Variants in SLC4A4 observed in about 807,000 individuals in gnomAD.
The protein encoded by SLC4A4 is solute carrier family 4 member 4.
In SLC4A4, 27 loss-of-function variants were observed where a neutral mutation model predicts 111.5. The ratio of observed to expected loss-of-function variants is 0.24; its 90% CI spans 0.18 to 0.33. The LOEUF is 0.33. Ranked by LOEUF, SLC4A4 falls within the 10% of genes least tolerant of loss-of-function variation. The probability of loss-of-function intolerance (pLI) is 1.00; values close to 1 mark genes in which losing one functional copy is unlikely to be tolerated. For synonymous variants in SLC4A4, 443 were observed against 463.4 expected, an observed-to-expected ratio of 0.96 and a Z score of 0.57; for missense variants, 909 against 1,315.5, an observed-to-expected ratio of 0.69 and a Z score of 4.78.
At chr4:71,359,479 A>G (rs1730569037) in intron 6 of SLC4A4, among the ~76,000 whole-genome samples, 1 of 152,202 alleles carries the variant, frequency 6.6e-6, no homozygotes. Flanking sequence ...GTATGCCTTC[A>G]AGGTACATTC....
At chr4:71,431,285 G>A (rs1723625056) in intron 7 of SLC4A4, among the ~76,000 whole-genome samples, 1 of 152,054 alleles carries the variant, frequency 6.6e-6, no homozygotes, top group Admixed American at 6.6e-5. Flanking sequence ...GTATCTGTGG[G>A]GAGAAGGGAG....
chr4:71,210,199 A>C (rs1193020675), intron 1 of SLC4A4, among the ~76,000 whole-genome samples: 1 of 152,174 alleles, frequency 6.6e-6, no homozygotes, highest in Non-Finnish European at 1.5e-5. Context: ...CTGGTATTGT[A>C]GGGATAGTCA....
At chr4:71,447,420 T>G (rs910911512) in intron 8 of SLC4A4, among the ~76,000 whole-genome samples, 2 of 152,230 alleles carry the variant, frequency 1.3e-5, no homozygotes, top group Non-Finnish European at 2.9e-5. Flanking sequence ...TTCTCAGGTT[T>G]CTATGCTATA....
chr4:71,273,812 C>T (rs1722879827), intron 3 of SLC4A4, among the ~76,000 whole-genome samples: 1 of 152,004 alleles, frequency 6.6e-6, no homozygotes, highest in Non-Finnish European at 1.5e-5. Context: ...GGTTCAGATG[C>T]ATGCCCTTGA....
At chr4:71,504,266 C>T (rs1731190714) in intron 16 of SLC4A4, among the ~76,000 whole-genome samples, 1 of 152,098 alleles carries the variant, frequency 6.6e-6, no homozygotes, top group South Asian at 2.1e-4. Context: ...TTATTTGTCT[C>T]TTCTTTCACT....
intron 2 of SLC4A4, among the ~76,000 whole-genome samples, chr4:71,162,625 G>A (rs1744642914): frequency 6.6e-6 from 1 of 152,164 alleles, no homozygotes; most frequent in African/African-American, 2.4e-5. Flanking sequence ...TAGACCACAG[G>A]GGAGAGTGGA....
At chr4:71,566,929 A>C in intron 24 of SLC4A4, 75 bp from the exon 25 acceptor site, 1 of 1,190,548 alleles carries the variant, frequency 8.4e-7, no homozygotes. Context: ...AAGATGCATC[A>C]ATTTTGTGAA....
chr4:71,332,606 G>A (rs1026016877), intron 3 of SLC4A4, among the ~76,000 whole-genome samples: 9 of 152,056 alleles, frequency 5.9e-5, no homozygotes, highest in Admixed American at 1.3e-4. Flanking sequence ...CACTGCGCCC[G>A]GCTAATTTTT....
intron 3 of SLC4A4, among the ~76,000 whole-genome samples, chr4:71,328,112 A>G (rs1270082803): frequency 6.6e-6 from 1 of 152,010 alleles, no homozygotes; most frequent in Non-Finnish European, 1.5e-5. Flanking sequence ...TCACTTAACA[A>G]AATGTCCTCC....
At chr4:71,195,230 GTTTTTTTTTT>G (rs66527038) in intron 1 of SLC4A4, among the ~76,000 whole-genome samples, 4 of 93,198 alleles carry the variant, frequency 4.3e-5, no homozygotes, top group African/African-American at 1.2e-4. Context: ...CTGTATTTGA[GTTTTTTTTTT>G]TTTTTTTTTT....
At chr4:71,374,675 G>A (rs1195965219) in intron 6 of SLC4A4, among the ~76,000 whole-genome samples, 1 of 151,988 alleles carries the variant, frequency 6.6e-6, no homozygotes, top group Admixed American at 6.6e-5. Flanking sequence ...CAAGATGAGA[G>A]AATAAAAACG....
Position 71,486,995 on chromosome 4 carries a change from C to T in SLC4A4, c.1951C>T (p.Pro651Ser). The T allele has an allele frequency of 6.3e-7, 1 of 1,599,040 alleles. No homozygotes were observed. The highest frequency in any genetic ancestry group is 1.3e-5 in the African/African-American group (1 of 74,512). ...CACCACACTGGCCCCAGAGTATTTGCCAACTATGTCTTCTACTGACATGGT... is the reference window on the plus strand; with the variant it reads ...CACCACACTGGCCCCAGAGTATTTGTCAACTATGTCTTCTACTGACATGGT... Reference protein sequence around the residue: ...NDTTLAPEYLPTMSSTDMYHN... With the variant: ...NDTTLAPEYLSTMSSTDMYHN... The change falls in exon 15 of 26, where the codon CCA becomes TCA. Residue 651 changes from proline to serine, a missense_variant. By Grantham distance (74) the Pro-to-Ser change is moderately conservative. Around this residue, in one of 7 missense-constraint regions of SLC4A4, gnomAD observed 264 missense variants for 356.8 expected, o/e 0.74. Transcript: ENST00000264485.
intron 3 of SLC4A4, among the ~76,000 whole-genome samples, chr4:71,287,439 G>A (rs1257313264): frequency 6.6e-6 from 1 of 152,148 alleles, no homozygotes; most frequent in Non-Finnish European, 1.5e-5. Flanking sequence ...CAGTAGGATT[G>A]GCCTGTGTTT....
intron 6 of SLC4A4, among the ~76,000 whole-genome samples, chr4:71,385,389 G>A (rs1718616124): frequency 1.3e-5 from 2 of 150,716 alleles, no homozygotes; most frequent in Admixed American, 6.6e-5. Flanking sequence ...ATAGAGACGG[G>A]GTTTCTCCAT....
intron 1 of SLC4A4, among the ~76,000 whole-genome samples, chr4:71,229,942 T>G (rs1019479803): frequency 1.6e-4 from 24 of 151,762 alleles, no homozygotes; most frequent in African/African-American, 5.3e-4. Context: ...TTGCAGCCAC[T>G]GAGATCGCTC....
intron 6 of SLC4A4, among the ~76,000 whole-genome samples, chr4:71,386,127 A>T (rs73828127): frequency 6.6e-6 from 1 of 151,932 alleles, no homozygotes; most frequent in Admixed American, 6.6e-5. Flanking sequence ...CTTTGAAATC[A>T]TGTTCCCATT....
intron 1 of SLC4A4, among the ~76,000 whole-genome samples, chr4:71,197,885 A>G (rs1746079467): frequency 6.6e-6 from 1 of 152,190 alleles, no homozygotes; most frequent in Non-Finnish European, 1.5e-5. Context: ...TTTCCGTTGG[A>G]AAAGGTGCTC....
intron 6 of SLC4A4, among the ~76,000 whole-genome samples, chr4:71,368,907 C>G (rs1731584273): frequency 6.6e-6 from 1 of 151,984 alleles, no homozygotes; most frequent in Non-Finnish European, 1.5e-5. Context: ...TGTAATGTGT[C>G]ATTGTTCTCC....
chr4:71,402,293 A>G (rs1029636244), intron 7 of SLC4A4, among the ~76,000 whole-genome samples: 1 of 152,190 alleles, frequency 6.6e-6, no homozygotes, highest in Non-Finnish European at 1.5e-5. Context: ...CATACATGAT[A>G]TAGGAGTGAG....
Sources: allele counts gnomAD v4.1 joint callset (sites outside exome capture counted in the v4.1 genomes callset), GRCh38; gene constraint gnomAD v4.1.1; regional missense constraint gnomAD v4.1.1; transcripts MANE v1.5; gene names NCBI Gene and HGNC (gene_info 2026-07-23, HGNC 2026-07-21).